Variants in POLR3B observed in about 807,000 individuals in gnomAD.
POLR3B encodes DNA-directed RNA polymerase III subunit RPC2.
A neutral mutation model predicts 147.4 loss-of-function variants in POLR3B; 96 were observed. The observed-to-expected ratio is 0.65, with a 90% CI of 0.55 to 0.77. The LOEUF (loss-of-function observed/expected upper bound fraction) is 0.77. Among genes scored for constraint, POLR3B ranks in the 30% least tolerant of loss-of-function variants. POLR3B has a pLI of 0.00. For synonymous variants in POLR3B, 461 were observed against 485.9 expected, an observed-to-expected ratio of 0.95 and a Z score of 0.67; for missense variants, 1,036 against 1,413.5, an observed-to-expected ratio of 0.73 and a Z score of 4.28.
chr12:106,460,705 A>G (rs1318327939), intron 22 of POLR3B, among the ~76,000 whole-genome samples: 1 of 152,008 alleles, frequency 6.6e-6, no homozygotes, highest in Non-Finnish European at 1.5e-5. Context: ...TTCTGTGCGA[A>G]GTTCATCTCT....
At chr12:106,465,665 A>C (rs1336526339) in intron 23 of POLR3B, among the ~76,000 whole-genome samples, 2 of 152,094 alleles carry the variant, frequency 1.3e-5, no homozygotes. Flanking sequence ...CCCTGTGTCC[A>C]AGTGTTCTCA....
chr12:106,427,150 G>A (rs1393150583), intron 12 of POLR3B, 47 bp from the exon 13 acceptor site: 10 of 1,176,622 alleles, frequency 8.5e-6, no homozygotes, highest in African/African-American at 1.6e-5. Flanking sequence ...AAATAATCTA[G>A]CAATGCTTTT....
At chr12:106,373,874 C>T (rs1339458131) in intron 6 of POLR3B, among the ~76,000 whole-genome samples, 1 of 152,022 alleles carries the variant, frequency 6.6e-6, no homozygotes, top group Admixed American at 6.5e-5. Context: ...GTTTTATATA[C>T]ATACATATAT....
intron 19 of POLR3B, among the ~76,000 whole-genome samples, chr12:106,448,690 T>G (rs1304623696): frequency 1.2e-4 from 18 of 152,018 alleles, no homozygotes; most frequent in Non-Finnish European, 2.6e-4. Context: ...TCCACCTGCC[T>G]TGGCCTCCCA....
intron 18 of POLR3B, among the ~76,000 whole-genome samples, chr12:106,441,590 A>T (rs2037651824): frequency 6.6e-6 from 1 of 152,172 alleles, no homozygotes; most frequent in Non-Finnish European, 1.5e-5. Context: ...CCAAAATGTT[A>T]TGTGGTGTGT....
At chr12:106,499,800 T>A (rs2038566498) in intron 25 of POLR3B, among the ~76,000 whole-genome samples, 1 of 152,212 alleles carries the variant, frequency 6.6e-6, no homozygotes, top group South Asian at 2.1e-4. Flanking sequence ...CACTCCACTC[T>A]GTGTCTTCCA....
chr12:106,432,580 T>C (rs1286946750), intron 15 of POLR3B, 100 bp downstream of exon 15: 1 of 1,009,434 alleles, frequency 9.9e-7, no homozygotes, highest in Non-Finnish European at 1.6e-6. Flanking sequence ...AGACTTTAAT[T>C]CTGGGCCCAG....
At chr12:106,477,512 C>T (rs569792253) in intron 23 of POLR3B, among the ~76,000 whole-genome samples, 57 of 150,296 alleles carry the variant, frequency 3.8e-4, no homozygotes, top group Admixed American at 1.2e-3. Flanking sequence ...TAGCAATCAG[C>T]GAGACTCCGT....
chr12:106,426,852 C>G lies in POLR3B; in HGVS notation c.1102-345C>G, dbSNP rs1017127143. ...TCTTCTCCACCGTCCCCCCCCCCCC[C>G]CCCCGTCCTTTTTGGTTTTAATATA... On this transcript the variant is annotated intron_variant, in intron 12 of 27. Coordinates refer to ENST00000228347, the MANE Select transcript of POLR3B (RefSeq NM_018082.6). Among the ~76,000 whole-genome samples the G allele has an allele frequency of 2.1e-3, 223 of 106,678 alleles. 12 individuals are homozygous for G. Among genetic ancestry groups the G allele is most frequent in the Middle Eastern group, 4.1e-3 (1 of 242 alleles). 70.0% of individuals were successfully genotyped at this position (106,678 alleles called of 152,430 possible).
intron 18 of POLR3B, among the ~76,000 whole-genome samples, chr12:106,442,090 AAAGAAAG>A (rs1593043639): frequency 3.5e-5 from 5 of 143,282 alleles, no homozygotes; most frequent in Admixed American, 6.8e-5. Context: ...CAAAAAAAAA[AAAGAAAG>A]AAAGAAAGAA....
intron 19 of POLR3B, among the ~76,000 whole-genome samples, chr12:106,451,169 G>A (rs1156557966): frequency 6.6e-6 from 1 of 152,058 alleles, no homozygotes; most frequent in African/African-American, 2.4e-5. Flanking sequence ...CAAAGGGAGG[G>A]ATCTTTTGGG....
intron 26 of POLR3B, among the ~76,000 whole-genome samples, chr12:106,503,825 T>G (rs2038642003): frequency 6.6e-6 from 1 of 152,254 alleles, no homozygotes; most frequent in Admixed American, 6.5e-5. Context: ...CATATGATAT[T>G]ATGCAATTAT....
intron 19 of POLR3B, among the ~76,000 whole-genome samples, chr12:106,453,121 C>A (rs2037818471): frequency 6.6e-6 from 1 of 150,424 alleles, no homozygotes; most frequent in African/African-American, 2.5e-5. Context: ...ACTTCCTGGG[C>A]TCAAGCGATT....
intron 14 of POLR3B, 54 bp downstream of exon 14, chr12:106,430,527 G>A (rs976644096): frequency 3.5e-6 from 5 of 1,426,500 alleles, no homozygotes; most frequent in Non-Finnish European, 4.9e-6. Flanking sequence ...CTATGTCTGT[G>A]CATGGGGTGG....
Position 106,432,380 on chromosome 12 carries a change from A to G in POLR3B, c.1527A>G (p.Gly509=), listed in dbSNP as rs1196937039. ...MTHITTDMED[G]PIVKLASNLG... ...ACATCACAACTGATATGGAAGATGGACCCATTGTTAAATTAGCCAGTAACT... is the reference window on the plus strand; with the variant it reads ...ACATCACAACTGATATGGAAGATGGGCCCATTGTTAAATTAGCCAGTAACT... The change falls in exon 15 of 28, where the codon GGA becomes GGG. Residue 509 remains glycine (G), a synonymous_variant. Transcript: ENST00000228347. The G allele has an allele frequency of 1.4e-5, 23 of 1,613,572 alleles. No homozygotes were observed. Among genetic ancestry groups the G allele is most frequent in the Non-Finnish European group, 1.9e-5 (23 of 1,179,636 alleles).
At chr12:106,358,126 G>A in intron 1 of POLR3B, 175 bp downstream of exon 1, 1 of 1,480,524 alleles carries the variant, frequency 6.8e-7, no homozygotes, top group South Asian at 1.3e-5. Flanking sequence ...CGGCCTCCGC[G>A]TGCGCGAGTG....
intron 1 of POLR3B, among the ~76,000 whole-genome samples, chr12:106,363,392 C>G (rs946308965): frequency 1.3e-5 from 2 of 152,180 alleles, no homozygotes; most frequent in African/African-American, 4.8e-5. Flanking sequence ...AACTCTATCC[C>G]TCTAGTTGCT....
chr12:106,369,339 T>C lies in POLR3B; in HGVS notation c.292T>C (p.Ser98Pro). 1 of 1,571,348 alleles carries C rather than the reference T, an allele frequency of 6.4e-7. No homozygotes were observed. Among genetic ancestry groups the C allele is most frequent in the Non-Finnish European group, 8.8e-7 (1 of 1,140,926 alleles). ...EESFNVTRPVSPHECRLRDMT... is the reference protein window; with the variant it reads ...EESFNVTRPVPPHECRLRDMT... ...AAGCTTCAATGTAACTAGACCAGTGTCCCCTCATGAGGTAATTATGAACCT... is the reference window on the plus strand; with the variant it reads ...AAGCTTCAATGTAACTAGACCAGTGCCCCCTCATGAGGTAATTATGAACCT... The change falls in exon 5 of 28, where the codon TCC becomes CCC. Residue 98 changes from serine to proline, a missense_variant. Coordinates refer to ENST00000228347, the MANE Select transcript of POLR3B (RefSeq NM_018082.6).
intron 1 of POLR3B, among the ~76,000 whole-genome samples, chr12:106,359,476 C>T (rs1261717293): frequency 6.6e-6 from 1 of 151,786 alleles, no homozygotes; most frequent in African/African-American, 2.4e-5. Flanking sequence ...GGATTACAGG[C>T]GCCCACCATC....
Sources: allele counts gnomAD v4.1 joint callset (sites outside exome capture counted in the v4.1 genomes callset), GRCh38; gene constraint gnomAD v4.1.1; transcripts MANE v1.5; gene names NCBI Gene and HGNC (gene_info 2026-07-23, HGNC 2026-07-21).